Variants in ADGRL2 observed in about 807,000 individuals in gnomAD.
ADGRL2 encodes calcium-independent alpha-latrotoxin receptor 2.
Under a neutral mutation model 157.4 loss-of-function variants are expected in ADGRL2, and 44 were observed. That is an observed-to-expected ratio of 0.28 (90% CI 0.22 to 0.36). The LOEUF (loss-of-function observed/expected upper bound fraction) is 0.36, where lower values mean the gene tolerates loss of function less well. Ranked by LOEUF, ADGRL2 falls within the 10% of genes least tolerant of loss-of-function variation. ADGRL2 has a pLI of 1.00. For missense variants in ADGRL2, 1,510 were observed against 1,768.9 expected (o/e 0.85, Z 2.63); for synonymous variants, 585 against 624.7 (o/e 0.94, Z 0.95).
intron 3 of ADGRL2, among the ~76,000 whole-genome samples, chr1:81,584,448 C>T (rs937406113): frequency 3.9e-5 from 6 of 152,048 alleles, no homozygotes; most frequent in South Asian, 2.1e-4. Context: ...ACAAACAATT[C>T]GTATTTACTT....
At chr1:81,309,046 CT>C (rs1454726255) in intron 1 of ADGRL2, among the ~76,000 whole-genome samples, 1 of 152,112 alleles carries the variant, frequency 6.6e-6, no homozygotes, top group African/African-American at 2.4e-5. Context: ...AAATTATCAT[CT>C]TAAAAGGATG....
intron 1 of ADGRL2, among the ~76,000 whole-genome samples, chr1:81,321,191 G>T (rs1660475464): frequency 6.6e-6 from 1 of 152,148 alleles, no homozygotes; most frequent in African/African-American, 2.4e-5. Context: ...TAAAATTGAA[G>T]AGAGTTAAGG....
At chr1:81,745,590 T>A (rs2085219423) in intron 1 of ADGRL2, among the ~76,000 whole-genome samples, 1 of 152,182 alleles carries the variant, frequency 6.6e-6, no homozygotes, top group Non-Finnish European at 1.5e-5. Flanking sequence ...TTCATGTAAA[T>A]ACAATCTCAT....
At chr1:81,470,847 A>G (rs971864494) in intron 2 of ADGRL2, among the ~76,000 whole-genome samples, 2 of 152,234 alleles carry the variant, frequency 1.3e-5, no homozygotes, top group South Asian at 2.1e-4. Context: ...GAAAGGAAGA[A>G]TACAATTATT....
intron 1 of ADGRL2, among the ~76,000 whole-genome samples, chr1:81,307,760 G>A (rs1198675579): frequency 4.6e-5 from 7 of 151,472 alleles, no homozygotes; most frequent in Non-Finnish European, 7.4e-5. Context: ...AGTGAAGTTC[G>A]AAGGAAAAAA....
chr1:81,423,616 G>A (rs755494768), intron 1 of ADGRL2, among the ~76,000 whole-genome samples: 1 of 152,054 alleles, frequency 6.6e-6, no homozygotes, highest in Non-Finnish European at 1.5e-5. Flanking sequence ...CCCATTTTTC[G>A]ACATCGTTGT....
chr1:81,642,265 A>AAAAT (rs1570714580), intron 3 of ADGRL2, among the ~76,000 whole-genome samples: 1 of 150,432 alleles, frequency 6.6e-6, no homozygotes, highest in East Asian at 2.0e-4. Flanking sequence ...AAAAAAAAAA[A>AAAAT]AAAAATTAGC....
intron 1 of ADGRL2, among the ~76,000 whole-genome samples, chr1:81,832,351 G>T (rs374220187): frequency 1.3e-5 from 2 of 152,082 alleles, no homozygotes; most frequent in African/African-American, 2.4e-5. Flanking sequence ...CACCATGTTG[G>T]TCAGGCTGGT....
Position 81,870,642 on chromosome 1 carries a change from T to A in ADGRL2, c.73+33585T>A, listed in dbSNP as rs1270163412. On this transcript the variant is annotated intron_variant, in intron 2 of 23. Transcript: ENST00000686636. ...TTGTCAGAGCTTAAAATGAAATTAT[T>A]TTTTGCAGACAAAAAGTATTATGAA... 2.0e-5 allele frequency among the ~76,000 whole-genome samples: 3 copies of A among 152,246 alleles called. No homozygotes were observed. The East Asian group carries it at 5.8e-4, about 29-fold the overall frequency.
chr1:81,727,949 A>T (rs980880404), intron 1 of ADGRL2, among the ~76,000 whole-genome samples: 1 of 152,124 alleles, frequency 6.6e-6, no homozygotes, highest in South Asian at 2.1e-4. Flanking sequence ...TTACTGCTAA[A>T]TACCAGTGTG....
chr1:81,389,692 C>T (rs1031032894), intron 1 of ADGRL2, among the ~76,000 whole-genome samples: 4 of 152,080 alleles, frequency 2.6e-5, no homozygotes, highest in African/African-American at 7.2e-5. Context: ...ATAATTCAAC[C>T]ACTAATACCA....
intron 1 of ADGRL2, among the ~76,000 whole-genome samples, chr1:81,310,596 C>T (rs553434454): frequency 6.6e-6 from 1 of 152,258 alleles, no homozygotes; most frequent in South Asian, 2.1e-4. Flanking sequence ...GGCAGATGGA[C>T]TGCCCTGTAT....
chr1:81,814,774 C>A (rs2090216969), intron 1 of ADGRL2, among the ~76,000 whole-genome samples: 3 of 150,554 alleles, frequency 2.0e-5, no homozygotes, highest in Admixed American at 1.3e-4. Context: ...TTTTTATTAT[C>A]TACACTGAAT....
chr1:81,748,816 T>G (rs997848163), intron 1 of ADGRL2, among the ~76,000 whole-genome samples: 1 of 151,940 alleles, frequency 6.6e-6, no homozygotes, highest in South Asian at 2.1e-4. Context: ...TACAGGTGTG[T>G]GCCACCACGC....
intron 2 of ADGRL2, among the ~76,000 whole-genome samples, chr1:81,542,545 C>G (rs905602083): frequency 2.0e-5 from 3 of 152,174 alleles, no homozygotes; most frequent in South Asian, 4.1e-4. Flanking sequence ...CCTTTCAAAC[C>G]TGTGCAAGGG....
intron 1 of ADGRL2, among the ~76,000 whole-genome samples, chr1:81,368,496 T>C (rs2076105677): frequency 6.6e-6 from 1 of 152,178 alleles, no homozygotes; most frequent in Non-Finnish European, 1.5e-5. Flanking sequence ...ATATTTCTCC[T>C]TGCCTCATTC....
At chr1:81,634,758 G>A (rs1349064170) in intron 3 of ADGRL2, among the ~76,000 whole-genome samples, 1 of 151,984 alleles carries the variant, frequency 6.6e-6, no homozygotes, top group Non-Finnish European at 1.5e-5. Flanking sequence ...CTTACCTCAG[G>A]TGATCCACCC....
chr1:81,703,722 G>T (rs1570891241), intron 1 of ADGRL2, among the ~76,000 whole-genome samples: 1 of 152,252 alleles, frequency 6.6e-6, no homozygotes, highest in Admixed American at 6.5e-5. Context: ...ATGGAAACTG[G>T]TTATTATAAA....
At chr1:81,430,172 C>G (rs1310736071) in intron 1 of ADGRL2, among the ~76,000 whole-genome samples, 1 of 152,130 alleles carries the variant, frequency 6.6e-6, no homozygotes, top group African/African-American at 2.4e-5. Context: ...GGATTACAGG[C>G]GTGAGCCACT....
Sources: gnomAD v4.1 joint callset for allele counts (sites outside exome capture counted in the v4.1 genomes callset) on GRCh38, gnomAD v4.1.1 for gene constraint, MANE v1.5 for transcripts, NCBI Gene and HGNC (gene_info 2026-07-23, HGNC 2026-07-21) for gene names.